The following GRIK2 variants were observed in gnomAD, a reference collection of about 807,000 sequenced individuals.
GRIK2 encodes glutamate ionotropic receptor kainate type subunit 2.
In GRIK2, 32 loss-of-function variants were observed where a neutral mutation model predicts 100.3. That is an observed-to-expected ratio of 0.32 (90% confidence interval 0.24 to 0.43). The LOEUF (loss-of-function observed/expected upper bound fraction) is 0.43, where lower values mean the gene tolerates loss of function less well. Among genes scored for constraint, GRIK2 ranks in the 20% least tolerant of loss-of-function variants. The pLI, the probability that GRIK2 is intolerant of heterozygous loss-of-function variation, is 1.00. For synonymous variants in GRIK2, 417 were observed against 389.4 expected (o/e 1.07, Z -0.83); for missense variants, 843 against 1,114.9 (o/e 0.76, Z 3.47).
chr6:101,739,184 A>C (rs1775867911), intron 7 of GRIK2, among the ~76,000 whole-genome samples: 1 of 152,238 alleles, frequency 6.6e-6, no homozygotes, highest in Non-Finnish European at 1.5e-5. Flanking sequence ...AACTGAATAG[A>C]ACATTAATAA....
rs774451573 is a variant in GRIK2 at position 101,552,781 on chromosome 6, A to C, written c.116-69168A>C. Among the ~76,000 whole-genome samples, 3 of 152,144 alleles carry C rather than the reference A, an allele frequency of 2.0e-5. No homozygotes were observed. In the East Asian group the frequency reaches 5.8e-4, roughly 29 times the overall value. ...CTATTATAAGCTTATTTCTCTAGGC[A>C]CTTCAAAAGCCACTAATGAAAAAGT... On this transcript the variant is annotated intron_variant, in intron 2 of 16. Transcript: ENST00000369134.
At chr6:101,575,426 G>A (rs1473370792) in intron 2 of GRIK2, among the ~76,000 whole-genome samples, 1 of 151,930 alleles carries the variant, frequency 6.6e-6, no homozygotes, top group Admixed American at 6.6e-5. Context: ...GTAGGAAATA[G>A]CATAAAGTCT....
intron 15 of GRIK2, among the ~76,000 whole-genome samples, chr6:102,054,899 AT>A (rs1185048126): frequency 1.3e-5 from 2 of 152,170 alleles, no homozygotes; most frequent in African/African-American, 4.8e-5. Context: ...AAATTACTGC[AT>A]TTAATCTTTG....
At chr6:102,065,020 T>C (rs534608287) in intron 16 of GRIK2, among the ~76,000 whole-genome samples, 3 of 151,386 alleles carry the variant, frequency 2.0e-5, no homozygotes, top group South Asian at 2.1e-4. Context: ...TAAACTTACA[T>C]TGATAAATAA....
chr6:101,477,646 C>T (rs760857649), intron 2 of GRIK2, among the ~76,000 whole-genome samples: 11 of 152,176 alleles, frequency 7.2e-5, no homozygotes, highest in Non-Finnish European at 1.6e-4. Flanking sequence ...AGGAAATTAG[C>T]ACTGTTCACA....
intron 2 of GRIK2, among the ~76,000 whole-genome samples, chr6:101,451,169 T>C (rs1562146865): frequency 6.6e-6 from 1 of 151,754 alleles, no homozygotes; most frequent in Non-Finnish European, 1.5e-5. Flanking sequence ...ACTTAATCTT[T>C]ATGTTTGAGC....
intron 15 of GRIK2, among the ~76,000 whole-genome samples, chr6:102,037,989 A>C (rs927193443): frequency 6.6e-6 from 1 of 151,524 alleles, no homozygotes; most frequent in African/African-American, 2.4e-5. Flanking sequence ...ATCATCATGC[A>C]GTATTCTGCA....
chr6:101,404,432 T>A (rs760786689), intron 2 of GRIK2, among the ~76,000 whole-genome samples: 15 of 152,244 alleles, frequency 9.9e-5, no homozygotes, highest in Non-Finnish European at 1.8e-4. Flanking sequence ...TGCCTTGCTC[T>A]TTTGTGGTAG....
intron 12 of GRIK2, among the ~76,000 whole-genome samples, chr6:101,923,947 A>AAAAC (rs1554287229): frequency 6.8e-6 from 1 of 146,824 alleles, no homozygotes; most frequent in Non-Finnish European, 1.5e-5. Flanking sequence ...AAAAAAAAAA[A>AAAAC]CCACAACGCT....
chr6:101,938,590 G>T (rs1015324817), intron 14 of GRIK2, among the ~76,000 whole-genome samples: 2 of 152,000 alleles, frequency 1.3e-5, no homozygotes, highest in African/African-American at 2.4e-5. Flanking sequence ...GCAGTGCCTA[G>T]AATTGTTTAA....
chr6:101,411,595 T>G (rs1300651077), intron 2 of GRIK2, among the ~76,000 whole-genome samples: 1 of 152,072 alleles, frequency 6.6e-6, no homozygotes, highest in Non-Finnish European at 1.5e-5. Context: ...ATTCTTCTAT[T>G]TATAATGAGC....
intron 7 of GRIK2, among the ~76,000 whole-genome samples, chr6:101,760,387 AAT>A (rs1410692704): frequency 2.6e-5 from 2 of 78,416 alleles, no homozygotes; most frequent in African/African-American, 1.4e-4. Flanking sequence ...ATATATAATT[AAT>A]TATATTTAAT....
At chr6:102,058,944 C>A (rs1398594777) in intron 16 of GRIK2, among the ~76,000 whole-genome samples, 2 of 151,130 alleles carry the variant, frequency 1.3e-5, no homozygotes, top group African/African-American at 2.4e-5. Context: ...TAATGAATAT[C>A]TTTCCATATT....
intron 2 of GRIK2, among the ~76,000 whole-genome samples, chr6:101,509,914 C>T (rs2128277569): frequency 6.6e-6 from 1 of 151,980 alleles, no homozygotes; most frequent in East Asian, 1.9e-4. Context: ...CAAAATTTTT[C>T]AAAAAAGAAC....
intron 10 of GRIK2, among the ~76,000 whole-genome samples, chr6:101,851,195 A>C (rs1454690579): frequency 5.9e-5 from 9 of 152,228 alleles, no homozygotes; most frequent in African/African-American, 1.9e-4. Context: ...TTAATCTCAG[A>C]GGGATCAACA....
At chr6:101,395,224 A>G (rs1228929150) in intron 1 of GRIK2, among the ~76,000 whole-genome samples, 6 of 152,196 alleles carry the variant, frequency 3.9e-5, no homozygotes, top group Non-Finnish European at 1.5e-5. Context: ...TGCCATGTAT[A>G]AACAGGCTGT....
At chr6:101,464,263 G>GA (rs1771493764) in intron 2 of GRIK2, among the ~76,000 whole-genome samples, 1 of 152,146 alleles carries the variant, frequency 6.6e-6, no homozygotes, top group Non-Finnish European at 1.5e-5. Context: ...AGCCTAAGGA[G>GA]AGGGTCCATG....
intron 7 of GRIK2, among the ~76,000 whole-genome samples, chr6:101,766,414 T>G (rs532870805): frequency 6.6e-6 from 1 of 152,292 alleles, no homozygotes; most frequent in East Asian, 1.9e-4. Flanking sequence ...CTGAAATATT[T>G]GAAGCATTAA....
chr6:101,611,370 T>C (rs1249675359), intron 2 of GRIK2, among the ~76,000 whole-genome samples: 1 of 151,864 alleles, frequency 6.6e-6, no homozygotes, highest in Admixed American at 6.6e-5. Context: ...ATGATAGATG[T>C]AGGAAGATGT....
Sources: allele counts gnomAD v4.1 joint callset (sites outside exome capture counted in the v4.1 genomes callset), GRCh38; gene constraint gnomAD v4.1.1; transcripts MANE v1.5; gene names NCBI Gene and HGNC (gene_info 2026-07-23, HGNC 2026-07-21).